Variants in ALDH1A1 observed in about 807,000 individuals in gnomAD.
ALDH1A1 encodes aldehyde dehydrogenase 1A1.
Under a neutral mutation model 62.1 loss-of-function variants are expected in ALDH1A1, and 19 were observed. That is an observed-to-expected ratio of 0.31 (90% confidence interval 0.21 to 0.45). The LOEUF (loss-of-function observed/expected upper bound fraction) is 0.45, where lower values mean the gene tolerates loss of function less well. ALDH1A1 is among the 20% of genes least tolerant of loss of function. ALDH1A1 has a pLI of 1.00. For missense variants in ALDH1A1, 521 were observed against 607.1 expected, an observed-to-expected ratio of 0.86 and a Z score of 1.49; for synonymous variants, 231 against 215.9, an observed-to-expected ratio of 1.07 and a Z score of -0.61.
chr9:72,904,727 C>G (rs553928981), intron 12 of ALDH1A1, among the ~76,000 whole-genome samples: 1 of 152,114 alleles, frequency 6.6e-6, no homozygotes, highest in Non-Finnish European at 1.5e-5. Flanking sequence ...GAGATGCCAT[C>G]CTGACTCTTA....
Position 72,909,676 on chromosome 9 carries a change from T to C in ALDH1A1, c.1284A>G (p.Leu428=), listed in dbSNP as rs1334202094. 6.2e-7 allele frequency: 1 copy of C among 1,613,982 alleles called. No individual in the cohort carries two copies. Among genetic ancestry groups the C allele is most frequent in the East Asian group, 2.2e-5 (1 of 44,874 alleles). Reference sequence around the variant, plus strand: ...TGTCTTTGGTAAACACTCCTGCTGATAAGCCATAGAAAGTATTGTTTGCTC... The same window carrying C: ...TGTCTTTGGTAAACACTCCTGCTGACAAGCCATAGAAAGTATTGTTTGCTC... ...IKRANNTFYG[L]SAGVFTKDID... Residue 428 remains leucine, a synonymous_variant, in exon 11 of 13, where the codon TTA becomes TTG. Transcript: ENST00000297785.
At chr9:72,917,742 C>T in intron 8 of ALDH1A1, among the ~76,000 whole-genome samples, 1 of 152,026 alleles carries the variant, frequency 6.6e-6, no homozygotes, top group East Asian at 1.9e-4. Flanking sequence ...ATAAAATGTG[C>T]ATTAAAAGGA....
intron 1 of ALDH1A1, 45 bp downstream of exon 1, chr9:72,952,890 T>A: frequency 1.9e-6 from 3 of 1,604,024 alleles, no homozygotes; most frequent in Non-Finnish European, 1.7e-6. Flanking sequence ...ATAAATGCAG[T>A]TTTTGCAAAC....
At chr9:72,949,011 C>T (rs138796063) in intron 1 of ALDH1A1, among the ~76,000 whole-genome samples, 2 of 151,936 alleles carry the variant, frequency 1.3e-5, no homozygotes, top group East Asian at 3.9e-4. Flanking sequence ...ATTCATAACT[C>T]TTCTCCATTG....
chr9:72,944,399 T>C (rs1487316957), intron 1 of ALDH1A1, among the ~76,000 whole-genome samples: 2 of 152,196 alleles, frequency 1.3e-5, no homozygotes, highest in East Asian at 3.9e-4. Flanking sequence ...CCTAGATGGT[T>C]AGAAGGCCAG....
chr9:72,932,438 T>G (rs1176910793), intron 2 of ALDH1A1, among the ~76,000 whole-genome samples: 1 of 152,168 alleles, frequency 6.6e-6, no homozygotes, highest in Non-Finnish European at 1.5e-5. Context: ...TCTTCTAGTA[T>G]TTATCACCAA....
rs527520495 is a variant in ALDH1A1, at chr9:72,920,081, T to C, written c.748-1259A>G. Among the ~76,000 whole-genome samples the C allele has an allele frequency of 4.6e-5, 7 of 152,288 alleles. No individual in the cohort carries two copies. The East Asian group carries it at 5.8e-4, about 13-fold the overall frequency. ...CTTTTATTTTCTAGGTTTCTTTTTTTTACTCTGCATGTCAGATTTTAATAA... is the reference window on the plus strand; with the variant it reads ...CTTTTATTTTCTAGGTTTCTTTTTTCTACTCTGCATGTCAGATTTTAATAA... On this transcript the variant is annotated intron_variant, in intron 7 of 12. Transcript: ENST00000297785.
intron 11 of ALDH1A1, among the ~76,000 whole-genome samples, chr9:72,909,368 G>T (rs1350313159): frequency 6.6e-6 from 1 of 151,874 alleles, no homozygotes; most frequent in African/African-American, 2.4e-5. Flanking sequence ...TGGCCAGGCT[G>T]GTCTCAAACT....
chr9:72,904,438 A>G (rs1301335102), intron 12 of ALDH1A1, among the ~76,000 whole-genome samples: 1 of 152,104 alleles, frequency 6.6e-6, no homozygotes, highest in East Asian at 1.9e-4. Context: ...GCCCCTCAAC[A>G]TACCACATGT....
At position 72,931,020 on chromosome 9, in the gene ALDH1A1, C is replaced by T; in HGVS notation, c.172-1G>A. On this transcript the variant is annotated splice_acceptor_variant, in intron 2 of 12. Coordinates refer to ENST00000297785, the MANE Select transcript of ALDH1A1 (RefSeq NM_000689.5). LOFTEE classifies it high-confidence loss of function. The stretch of plus-strand genomic sequence containing the variant: ...CCTTCACTGCCTTGTCAACATCCTC[C>T]TGTAAGTCAACAGGAATTCAATTCA... 1 of 1,613,898 alleles carries T rather than the reference C, an allele frequency of 6.2e-7. No individual in the cohort carries two copies. The highest frequency in any genetic ancestry group is 8.5e-7 in the Non-Finnish European group (1 of 1,179,890).
chr9:72,915,577 A>G (rs1464095116), intron 9 of ALDH1A1, among the ~76,000 whole-genome samples: 1 of 152,232 alleles, frequency 6.6e-6, no homozygotes, highest in Non-Finnish European at 1.5e-5. Context: ...TTAAGTACTC[A>G]TTAAACTCAA....
chr9:72,909,963 G>A (rs1448866039), intron 10 of ALDH1A1, among the ~76,000 whole-genome samples: 3 of 152,102 alleles, frequency 2.0e-5, no homozygotes, highest in Non-Finnish European at 4.4e-5. Flanking sequence ...ATTTCCTTTG[G>A]AAGAAGAAAG....
At position 72,925,619 on chromosome 9, in the gene ALDH1A1, A is replaced by G. The variant is rs1307787365; in HGVS notation, c.505-7T>C. 5.6e-6 allele frequency: 9 copies of G among 1,611,374 alleles called. No individual in the cohort carries two copies. Among genetic ancestry groups the G allele is most frequent in the Non-Finnish European group, 7.6e-6 (9 of 1,179,110 alleles). ...TAACCAACGGGAAATTCCACTAGAA[A>G]GCAATATGTAACAATAGATTCTTTG... is the stretch of plus-strand genomic sequence containing the variant. On this transcript the variant is annotated splice_polypyrimidine_tract_variant and splice_region_variant and intron_variant, in intron 5 of 12. Transcript: ENST00000297785.
chr9:72,919,685 T>G (rs1830113089), intron 7 of ALDH1A1, among the ~76,000 whole-genome samples: 1 of 152,250 alleles, frequency 6.6e-6, no homozygotes, highest in Non-Finnish European at 1.5e-5. Context: ...CTCATTTAAT[T>G]GCGGATTGAC....
chr9:72,907,389 G>A, intron 11 of ALDH1A1, among the ~76,000 whole-genome samples: 1 of 152,264 alleles, frequency 6.6e-6, no homozygotes, highest in Non-Finnish European at 1.5e-5. Flanking sequence ...AGGATATGTA[G>A]TAACAAGATG....
chr9:72,917,640 T>C (rs555196303), intron 8 of ALDH1A1, among the ~76,000 whole-genome samples: 14 of 152,314 alleles, frequency 9.2e-5, no homozygotes, highest in African/African-American at 3.1e-4. Context: ...ACTCACCTTA[T>C]GATTTTATTC....
rs1830194052 is a variant in ALDH1A1, at chr9:72,925,521, G to A, written c.596C>T (p.Pro199Leu). Residue 199 changes from proline to leucine, a missense_variant, in exon 6 of 13, where the codon CCT becomes CTT. Transcript: ENST00000297785. ...TVVVKPAEQT[P>L]LTALHVASLI... is the part of the protein sequence containing the mutation. ...AGATGCCACGTGGAGAGCAGTGAGA[G>A]GAGTTTGCTCTGCTGGTTTGACAAC... The A allele has an allele frequency of 1.2e-6, 2 of 1,614,040 alleles. No homozygotes were observed. The highest frequency in any genetic ancestry group is 1.7e-6 in the Non-Finnish European group (2 of 1,179,904).
intron 7 of ALDH1A1, 198 bp downstream of exon 7, chr9:72,923,821 A>G (rs1410360948): frequency 2.5e-6 from 1 of 392,858 alleles, no homozygotes; most frequent in Non-Finnish European, 4.5e-6. Context: ...TCTCATTCTG[A>G]TTTAAAATAG....
chr9:72,938,850 A>G lies in ALDH1A1; in HGVS notation c.171+1298T>C, dbSNP rs1830378566. ...CTCTGACCCCCGGGTTCAAGCAATTATCCTGCGTCAGCCTCCCCAGTAGCT... is the reference window on the plus strand; with the variant it reads ...CTCTGACCCCCGGGTTCAAGCAATTGTCCTGCGTCAGCCTCCCCAGTAGCT... On this transcript the variant is annotated intron_variant, in intron 2 of 12. Coordinates refer to ENST00000297785, the MANE Select transcript of ALDH1A1 (RefSeq NM_000689.5). 1.3e-5 allele frequency among the ~76,000 whole-genome samples: 2 copies of G among 149,372 alleles called. 1 individual carries two copies. The highest frequency in any genetic ancestry group is 4.3e-4 in the South Asian group (2 of 4,686).
Sources: allele counts gnomAD v4.1 joint callset (sites outside exome capture counted in the v4.1 genomes callset), GRCh38; gene constraint gnomAD v4.1.1; transcripts MANE v1.5; gene names NCBI Gene and HGNC (gene_info 2026-07-23, HGNC 2026-07-21).